Variants in CBLB observed in about 807,000 individuals in gnomAD.
The protein encoded by CBLB is Cbl proto-oncogene B, also known as E3 ubiquitin-protein ligase CBL-B.
CBLB carries 31 observed loss-of-function variants against 104.9 expected under a neutral mutation model. That is an observed-to-expected ratio of 0.30 (90% CI 0.22 to 0.40). The LOEUF (loss-of-function observed/expected upper bound fraction) is 0.40. Ranked by LOEUF, CBLB falls within the 10% of genes least tolerant of loss-of-function variation. The pLI is 1.00. For missense variants in CBLB, 1,062 were observed against 1,214.6 expected, an observed-to-expected ratio of 0.87 and a Z score of 1.87; for synonymous variants, 440 against 422.6, an observed-to-expected ratio of 1.04 and a Z score of -0.51.
chr3:105,860,196 G>A (rs2091979012), intron 2 of CBLB, among the ~76,000 whole-genome samples: 1 of 152,210 alleles, frequency 6.6e-6, no homozygotes, highest in South Asian at 2.1e-4. Context: ...GCATATAGTA[G>A]ATGTGCAACA....
intron 3 of CBLB, among the ~76,000 whole-genome samples, chr3:105,836,192 C>G (rs1041166507): frequency 7.9e-5 from 12 of 152,272 alleles, no homozygotes; most frequent in Admixed American, 7.8e-4. Context: ...AAGGTTATGA[C>G]AGCTCTGTCT....
At chr3:105,841,780 T>C (rs530910317) in intron 3 of CBLB, among the ~76,000 whole-genome samples, 1 of 152,168 alleles carries the variant, frequency 6.6e-6, no homozygotes, top group South Asian at 2.1e-4. Context: ...AGCTTACCAA[T>C]AATCCAAAAT....
intron 13 of CBLB, among the ~76,000 whole-genome samples, chr3:105,689,300 A>G (rs924130706): frequency 1.3e-5 from 2 of 151,800 alleles, no homozygotes; most frequent in African/African-American, 4.8e-5. Context: ...CCAAAAATAC[A>G]AGGACTTATC....
rs1559700761 is a variant in CBLB, at chr3:105,658,125, C to T, written c.*845G>A. On this transcript the variant is annotated 3_prime_UTR_variant, in exon 19 of 19. Transcript: ENST00000394030. Reference sequence around the variant, plus strand: ...AACTTCAGTACAGCATTGTCTTATACAAGTGTTCTCTCTTCCACATCTGTA... The same window carrying T: ...AACTTCAGTACAGCATTGTCTTATATAAGTGTTCTCTCTTCCACATCTGTA... The T allele has an allele frequency of 4.6e-6, 1 of 216,884 alleles. No individual in the cohort carries two copies. The highest frequency in any genetic ancestry group is 9.3e-6 in the Non-Finnish European group (1 of 107,702). The allele number at this position is 216,884 out of a possible 1,614,324, so 13.4% of individuals were successfully genotyped here. A position where few individuals can be genotyped will look rare whatever the true frequency, so the allele number is the denominator to read the frequency against.
chr3:105,865,937 GA>G (rs1374629847), intron 2 of CBLB, among the ~76,000 whole-genome samples: 3 of 152,186 alleles, frequency 2.0e-5, no homozygotes, highest in African/African-American at 7.2e-5. Flanking sequence ...GCAAAGACAA[GA>G]TAGGCAGCAT....
chr3:105,766,219 C>T (rs1016624200), intron 4 of CBLB, among the ~76,000 whole-genome samples: 2 of 152,040 alleles, frequency 1.3e-5, no homozygotes, highest in Non-Finnish European at 2.9e-5. Context: ...TTTGAACAGA[C>T]GAAAACTGCT....
At chr3:105,802,404 G>A (rs1473898474) in intron 3 of CBLB, among the ~76,000 whole-genome samples, 3 of 152,156 alleles carry the variant, frequency 2.0e-5, no homozygotes, top group East Asian at 1.9e-4. Context: ...GACTCTTAAA[G>A]GTATCTGTGA....
chr3:105,776,307 A>T (rs2079449111), intron 4 of CBLB, 89 bp downstream of exon 4: 1 of 1,175,530 alleles, frequency 8.5e-7, no homozygotes, highest in Non-Finnish European at 1.2e-6. Context: ...CAAAACACTC[A>T]AGTAAAATAT....
intron 3 of CBLB, among the ~76,000 whole-genome samples, chr3:105,846,131 GT>G (rs1447615301): frequency 6.6e-6 from 1 of 151,920 alleles, no homozygotes; most frequent in Non-Finnish European, 1.5e-5. Flanking sequence ...AAATGTATAT[GT>G]TTATATCAAA....
chr3:105,765,473 C>T (rs1395931230), intron 4 of CBLB, among the ~76,000 whole-genome samples: 5 of 152,130 alleles, frequency 3.3e-5, no homozygotes, highest in Non-Finnish European at 7.4e-5. Context: ...TGATCTTGGA[C>T]TTCCTAGCCT....
chr3:105,661,213 A>G (rs1201199912), intron 18 of CBLB, among the ~76,000 whole-genome samples: 1 of 152,188 alleles, frequency 6.6e-6, no homozygotes, highest in Non-Finnish European at 1.5e-5. Context: ...ATATAAGAAC[A>G]TATAATTTCT....
chr3:105,695,029 T>C (rs527582524), intron 12 of CBLB, among the ~76,000 whole-genome samples: 57 of 152,000 alleles, frequency 3.8e-4, no homozygotes, highest in Middle Eastern at 3.4e-3. Context: ...CATTGTGATA[T>C]TGAGCATTGG....
chr3:105,835,060 A>T (rs1179639331), intron 3 of CBLB, among the ~76,000 whole-genome samples: 4 of 152,220 alleles, frequency 2.6e-5, no homozygotes, highest in Admixed American at 2.6e-4. Context: ...TATTAGCATC[A>T]GCCATTTTTC....
intron 3 of CBLB, among the ~76,000 whole-genome samples, chr3:105,795,852 T>C (rs1216515107): frequency 6.6e-6 from 1 of 152,140 alleles, no homozygotes; most frequent in African/African-American, 2.4e-5. Context: ...CAAGCAATTC[T>C]CCTGCCTCAG....
At chr3:105,672,184 C>T (rs1046229164) in intron 17 of CBLB, 1 of 189,646 alleles carries the variant, frequency 5.3e-6, no homozygotes. Context: ...TTCTAATCAT[C>T]TATTTATTTA....
At chr3:105,711,390 T>C (rs2071052162) in intron 10 of CBLB, among the ~76,000 whole-genome samples, 1 of 152,062 alleles carries the variant, frequency 6.6e-6, no homozygotes, top group Non-Finnish European at 1.5e-5. Flanking sequence ...TACTTGCTAC[T>C]ATTCTCAGTT....
chr3:105,783,933 T>G (rs2080629708), intron 3 of CBLB, among the ~76,000 whole-genome samples: 1 of 152,198 alleles, frequency 6.6e-6, no homozygotes, highest in Admixed American at 6.5e-5. Context: ...TCTCAATATA[T>G]TCAATAAAGC....
chr3:105,722,785 G>T (rs1197269351), intron 9 of CBLB, among the ~76,000 whole-genome samples: 1 of 152,114 alleles, frequency 6.6e-6, no homozygotes, highest in African/African-American at 2.4e-5. Flanking sequence ...TTTTGAAGGG[G>T]GAGGAGGTGA....
intron 3 of CBLB, among the ~76,000 whole-genome samples, chr3:105,816,571 G>T (rs1046956191): frequency 6.6e-6 from 1 of 152,052 alleles, no homozygotes; most frequent in African/African-American, 2.4e-5. Flanking sequence ...ACTCCAGAAA[G>T]TAGTTTACAA....
Sources: allele counts gnomAD v4.1 joint callset (sites outside exome capture counted in the v4.1 genomes callset), GRCh38; gene constraint gnomAD v4.1.1; transcripts MANE v1.5; gene names NCBI Gene and HGNC (gene_info 2026-07-23, HGNC 2026-07-21).